PARN: variants seen among roughly 807,000 people sequenced by gnomAD.
The protein encoded by PARN is poly(A)-specific ribonuclease, also known as poly(A)-specific ribonuclease PARN.
In PARN, 71 loss-of-function variants were observed where a neutral mutation model predicts 102.8. The ratio of observed to expected loss-of-function variants is 0.69; its 90% CI spans 0.57 to 0.84. PARN has a LOEUF of 0.84. PARN is among the 40% of genes least tolerant of loss of function. The probability of loss-of-function intolerance (pLI) is 0.00; values close to 1 mark genes in which losing one functional copy is unlikely to be tolerated. For synonymous variants in PARN, 261 were observed against 252.9 expected, an observed-to-expected ratio of 1.03 and a Z score of -0.30; for missense variants, 782 against 760.9, an observed-to-expected ratio of 1.03 and a Z score of -0.33.
intron 18 of PARN, among the ~76,000 whole-genome samples, chr16:14,561,852 G>A (rs1378625335): frequency 2.0e-5 from 3 of 152,168 alleles, no homozygotes; most frequent in Non-Finnish European, 4.4e-5. Context: ...AATAAAATAC[G>A]TAGAAAAACA....
intron 21 of PARN, among the ~76,000 whole-genome samples, chr16:14,517,190 G>T (rs912451449): frequency 6.6e-6 from 1 of 152,200 alleles, no homozygotes; most frequent in Non-Finnish European, 1.5e-5. Flanking sequence ...CCATCAAGAG[G>T]TGCGGTGTAT....
intron 21 of PARN, among the ~76,000 whole-genome samples, chr16:14,547,701 C>T (rs1050811304): frequency 1.3e-4 from 19 of 151,714 alleles, no homozygotes; most frequent in Non-Finnish European, 2.8e-4. Flanking sequence ...CAGAGTGAAA[C>T]CCAGTCTCCC....
At chr16:14,605,083 G>T (rs1409147055) in intron 10 of PARN, among the ~76,000 whole-genome samples, 1 of 151,912 alleles carries the variant, frequency 6.6e-6, no homozygotes, top group East Asian at 1.9e-4. Context: ...GGGACTACAG[G>T]CATGTACCAC....
At chr16:14,466,275 T>C (rs138309494) in intron 22 of PARN, among the ~76,000 whole-genome samples, 5 of 152,328 alleles carry the variant, frequency 3.3e-5, no homozygotes, top group African/African-American at 1.2e-4. Flanking sequence ...CATTTTTTAT[T>C]ATAAACTTTT....
chr16:14,567,362 G>C (rs1465165419), intron 18 of PARN, among the ~76,000 whole-genome samples: 1 of 152,144 alleles, frequency 6.6e-6, no homozygotes, highest in African/African-American at 2.4e-5. Flanking sequence ...CAATCCAGAA[G>C]AGGTTGAAAA....
At chr16:14,451,474 C>T (rs755098441) in intron 22 of PARN, among the ~76,000 whole-genome samples, 4 of 152,052 alleles carry the variant, frequency 2.6e-5, no homozygotes, top group Non-Finnish European at 4.4e-5. Flanking sequence ...TTACTGTTAC[C>T]TCCAACAACA....
chr16:14,568,342 A>T (rs1171722056), intron 18 of PARN, among the ~76,000 whole-genome samples: 1 of 150,476 alleles, frequency 6.6e-6, no homozygotes, highest in Non-Finnish European at 1.5e-5. Context: ...CCTCCCGAGT[A>T]GCTGGGACTA....
intron 13 of PARN, among the ~76,000 whole-genome samples, chr16:14,591,376 T>C (rs1007807845): frequency 5.5e-5 from 8 of 144,574 alleles, no homozygotes; most frequent in African/African-American, 2.0e-4. Flanking sequence ...GGCAACAGAG[T>C]AAGACTCCAT....
intron 21 of PARN, among the ~76,000 whole-genome samples, chr16:14,503,391 A>G (rs904516477): frequency 2.6e-5 from 4 of 152,166 alleles, no homozygotes; most frequent in African/African-American, 9.7e-5. Context: ...TGCAGTATCT[A>G]TTTCTTTTAG....
intron 21 of PARN, among the ~76,000 whole-genome samples, chr16:14,527,225 C>A (rs1458638582): frequency 1.3e-5 from 2 of 152,178 alleles, no homozygotes; most frequent in African/African-American, 2.4e-5. Context: ...TCCAAACAAG[C>A]CAGTTTTACC....
At chr16:14,613,093 T>C (rs1971619171) in intron 6 of PARN, among the ~76,000 whole-genome samples, 1 of 151,748 alleles carries the variant, frequency 6.6e-6, no homozygotes, top group African/African-American at 2.4e-5. Context: ...GCAGATCACC[T>C]GAGGTCGTGA....
At chr16:14,561,388 C>G (rs1968053145) in intron 18 of PARN, among the ~76,000 whole-genome samples, 2 of 152,164 alleles carry the variant, frequency 1.3e-5, no homozygotes, top group African/African-American at 4.8e-5. Flanking sequence ...AAACTCTGGA[C>G]TGAGAATCAC....
intron 2 of PARN, among the ~76,000 whole-genome samples, chr16:14,629,339 ACGC>A (rs1972879470): frequency 6.6e-6 from 1 of 152,232 alleles, no homozygotes; most frequent in Non-Finnish European, 1.5e-5. Flanking sequence ...TGCAATGTAC[ACGC>A]CGCACTGTTT....
chr16:14,437,124 T>C (rs912361998), intron 23 of PARN, among the ~76,000 whole-genome samples: 3 of 152,230 alleles, frequency 2.0e-5, no homozygotes, highest in Non-Finnish European at 4.4e-5. Context: ...ATTTAATTCA[T>C]ATAATCTTCA....
intron 9 of PARN, among the ~76,000 whole-genome samples, chr16:14,607,253 G>C (rs1398326203): frequency 1.3e-5 from 2 of 152,062 alleles, no homozygotes; most frequent in Non-Finnish European, 1.5e-5. Context: ...CTGCCACTCA[G>C]GCTGGAGTGC....
At chr16:14,514,392 T>C (rs1415687644) in intron 21 of PARN, among the ~76,000 whole-genome samples, 1 of 152,042 alleles carries the variant, frequency 6.6e-6, no homozygotes, top group Non-Finnish European at 1.5e-5. Context: ...TTCACCGTGT[T>C]AGCCAGGATG....
intron 10 of PARN, 138 bp downstream of exon 10, chr16:14,606,346 C>T (rs1420305348): frequency 8.7e-6 from 4 of 460,492 alleles, no homozygotes; most frequent in Non-Finnish European, 1.5e-5. Flanking sequence ...TGCAGTGAGC[C>T]GTGACTAACC....
chr16:14,553,172 C>G, intron 20 of PARN, among the ~76,000 whole-genome samples: 1 of 148,442 alleles, frequency 6.7e-6, no homozygotes, highest in South Asian at 2.1e-4. Flanking sequence ...AATCCCAGCA[C>G]TTTGAGAGTC....
chr16:14,623,334 T>C (rs946423059), intron 5 of PARN, among the ~76,000 whole-genome samples: 10 of 151,676 alleles, frequency 6.6e-5, no homozygotes, highest in Admixed American at 1.3e-4. Flanking sequence ...GCCAACATGG[T>C]GAAACCCCGT....
Sources: gnomAD v4.1 joint callset for allele counts (sites outside exome capture counted in the v4.1 genomes callset) on GRCh38, gnomAD v4.1.1 for gene constraint, MANE v1.5 for transcripts, NCBI Gene and HGNC (gene_info 2026-07-23, HGNC 2026-07-21) for gene names.